The following BMP1 variants were observed in gnomAD, a reference collection of about 807,000 sequenced individuals.
BMP1 encodes the protein mammalian tolloid protein.
A neutral mutation model predicts 116.8 loss-of-function variants in BMP1; 63 were observed. That is an observed-to-expected ratio of 0.54 (90% CI 0.44 to 0.67). The LOEUF (loss-of-function observed/expected upper bound fraction) is 0.67, where lower values mean the gene tolerates loss of function less well. Among genes scored for constraint, BMP1 ranks in the 30% least tolerant of loss-of-function variants. The probability of loss-of-function intolerance (pLI) is 0.00; values close to 1 mark genes in which losing one functional copy is unlikely to be tolerated. For missense variants in BMP1, 1,183 were observed against 1,358.9 expected (o/e 0.87, Z 2.04); for synonymous variants, 536 against 533.4 (o/e 1.00, Z -0.07).
chr8:22,181,257 G>A (rs1358766835), intron 8 of BMP1, among the ~76,000 whole-genome samples: 2 of 152,178 alleles, frequency 1.3e-5, no homozygotes. Context: ...TACCTTGTGG[G>A]GAAGTACCCA....
rs1586479329 is a variant in BMP1, at chr8:22,211,993, A to T, written c.*265A>T. The T allele has an allele frequency of 2.1e-5, 11 of 516,228 alleles. No homozygotes were observed. In the East Asian group the frequency reaches 3.6e-4, roughly 17 times the overall value. The allele number at this position is 516,228 out of a possible 1,614,324, so 32.0% of individuals were successfully genotyped here. ...ATTTCGAAGTCATCATTCCTCTCTT[A>T]GGGGGCCCTGCCTGGTGGCAAGAGG... On this transcript the variant is annotated 3_prime_UTR_variant, in exon 20 of 20. Transcript: ENST00000306385.
In BMP1 at chr8:22,176,977, G is replaced by A; in HGVS notation, c.568G>A (p.Gly190Ser). 6.2e-7 allele frequency: 1 copy of A among 1,611,358 alleles called. No individual in the cohort carries two copies. Among genetic ancestry groups the A allele is most frequent in the Non-Finnish European group, 8.5e-7 (1 of 1,179,018 alleles). ...GCCCTCCAGGTGCTGCTCCTACGTG[G>A]GTCGCCGCGGCGGGGGCCCCCAGGC... ...YRPCGCCSYV[G>S]RRGGGPQAIS... Residue 190 changes from glycine to serine, a missense_variant, in exon 5 of 20, where the codon GGT (glycine) becomes AGT (serine). Physicochemically the swap from Gly to Ser is moderately conservative, Grantham distance 56. Transcript: ENST00000306385.
chr8:22,196,124 C>T lies in BMP1; in HGVS notation c.1765+537C>T, dbSNP rs150262579. ...TGTTTTTTCATTCTTGGGGTGTTTT[C>T]GGGTTTTTTTTGTAAATGACCATCT... On this transcript the variant is annotated intron_variant, in intron 13 of 19. Transcript: ENST00000306385. 1.4e-3 allele frequency: 692 copies of T among 502,244 alleles called. 1 individual carries two copies. Among genetic ancestry groups the T allele is most frequent in the Non-Finnish European group, 2.4e-3 (611 of 250,360 alleles). The allele number at this position is 502,244 out of a possible 1,614,324, so 31.1% of individuals were successfully genotyped here.
At chr8:22,209,202 C>T (rs1418305639) in intron 18 of BMP1, among the ~76,000 whole-genome samples, 3 of 152,208 alleles carry the variant, frequency 2.0e-5, no homozygotes, top group Non-Finnish European at 4.4e-5. Context: ...TGCCACCGCT[C>T]CATGCTGTCT....
chr8:22,182,230 A>G (rs142772561), intron 8 of BMP1, among the ~76,000 whole-genome samples: 225 of 152,338 alleles, frequency 1.5e-3, no homozygotes, highest in African/African-American at 5.1e-3. Context: ...TTCACCATCC[A>G]TCAGGTAGCC....
At position 22,206,974 on chromosome 8, in the gene BMP1, T is replaced by C. The variant is rs771470158; in HGVS notation, c.2354T>C (p.Val785Ala). Residue 785 changes from valine (V) to alanine (A), a missense_variant, in exon 17 of 20, where the codon GTC becomes GCC. By Grantham distance (64) the Val-to-Ala change is moderately conservative (BLOSUM62 0). Around this residue, in one of 4 missense-constraint regions of BMP1, gnomAD observed 956 missense variants for 1,135.2 expected, o/e 0.84. Coordinates refer to ENST00000306385, the MANE Select transcript of BMP1 (RefSeq NM_006129.5). ...ATCTCCAGCACCCCCGGGCACCGGGTCAAGCTGGTAAGGGGTCCCCTCCCC... is the reference window on the plus strand; with the variant it reads ...ATCTCCAGCACCCCCGGGCACCGGGCCAAGCTGGTAAGGGGTCCCCTCCCC... Reference protein sequence around the residue: ...WAISSTPGHRVKLTFMEMDIE... With the variant: ...WAISSTPGHRAKLTFMEMDIE... 1 of 1,613,938 alleles carries C rather than the reference T, an allele frequency of 6.2e-7. No individual in the cohort carries two copies. The highest frequency in any genetic ancestry group is 1.1e-5 in the South Asian group (1 of 91,042).
intron 8 of BMP1, among the ~76,000 whole-genome samples, chr8:22,189,422 A>G (rs1828867111): frequency 1.1e-5 from 1 of 92,200 alleles, no homozygotes; most frequent in Non-Finnish European, 2.2e-5. Context: ...TGAGGTCTCT[A>G]TTGATGGAGA....
At chr8:22,180,229 C>G (rs1398292135) in intron 7 of BMP1, 139 bp from the exon 8 acceptor site, 4 of 724,812 alleles carry the variant, frequency 5.5e-6, no homozygotes, top group African/African-American at 1.7e-5. Flanking sequence ...CTTATAGGGG[C>G]AGGACCATTG....
chr8:22,186,843 G>C (rs1245587568), intron 8 of BMP1, among the ~76,000 whole-genome samples: 1 of 152,118 alleles, frequency 6.6e-6, no homozygotes, highest in Non-Finnish European at 1.5e-5. Flanking sequence ...TGCTAACCGT[G>C]ATTCCCTTCT....
intron 13 of BMP1, 35 bp downstream of exon 13, chr8:22,195,622 T>C (rs1243960214): frequency 6.3e-7 from 1 of 1,583,066 alleles, no homozygotes; most frequent in Non-Finnish European, 8.5e-7. Context: ...ACCCTGTTCT[T>C]TCCCTGGCAC....
intron 6 of BMP1, among the ~76,000 whole-genome samples, chr8:22,178,439 G>A (rs1467351116): frequency 3.9e-5 from 6 of 152,004 alleles, no homozygotes; most frequent in East Asian, 1.9e-4. Context: ...ACAGGCACAC[G>A]CCACCGTGCC....
intron 8 of BMP1, among the ~76,000 whole-genome samples, chr8:22,184,883 G>A (rs1250784845): frequency 6.6e-6 from 1 of 152,208 alleles, no homozygotes; most frequent in Non-Finnish European, 1.5e-5. Flanking sequence ...CTGCTTTAGT[G>A]GATGGACTTT....
intron 2 of BMP1, among the ~76,000 whole-genome samples, chr8:22,175,011 T>A (rs1828392079): frequency 6.6e-6 from 1 of 152,162 alleles, no homozygotes; most frequent in African/African-American, 2.4e-5. Context: ...TGAGGGAAGA[T>A]CCTGATGTGG....
At chr8:22,207,884 ATTT>A (rs1291001776) in intron 18 of BMP1, among the ~76,000 whole-genome samples, 8 of 150,680 alleles carry the variant, frequency 5.3e-5, no homozygotes, top group African/African-American at 2.0e-4. Flanking sequence ...TTTTATTTTT[ATTT>A]ATTTTTTATT....
At chr8:22,201,151 G>T in intron 15 of BMP1, 1 of 1,603,244 alleles carries the variant, frequency 6.2e-7, no homozygotes, top group Non-Finnish European at 8.5e-7. Context: ...CCTCGGGGAC[G>T]CCCCCACCAG....
Position 22,189,961 on chromosome 8 carries a change from C to G in BMP1, c.1078-2088C>G, listed in dbSNP as rs564768621. On this transcript the variant is annotated intron_variant, in intron 8 of 19. Coordinates refer to ENST00000306385, the MANE Select transcript of BMP1 (RefSeq NM_006129.5). ...TTCGAGACAGAGTCTTCCTCTGTCA[C>G]CCAGGCTGGAGTGCAGTGGCATGAT... 2.0e-5 allele frequency among the ~76,000 whole-genome samples: 3 copies of G among 152,236 alleles called. No individual in the cohort carries two copies. In the South Asian group the frequency reaches 6.2e-4, roughly 32 times the overall value.
At position 22,201,789 on chromosome 8, in the gene BMP1, T is replaced by C. The variant is rs949937084; in HGVS notation, c.2108-14T>C. On this transcript the variant is annotated splice_polypyrimidine_tract_variant and intron_variant, in intron 15 of 19. Coordinates refer to ENST00000306385, the MANE Select transcript of BMP1 (RefSeq NM_006129.5). ...GCACAGACCCAGCGTCTGCCCTTAT[T>C]TGCTCCCCTGCAGACAAGGACGAGT... The C allele has an allele frequency of 6.2e-7, 1 of 1,612,634 alleles. No individual in the cohort carries two copies. The highest frequency in any genetic ancestry group is 8.5e-7 in the Non-Finnish European group (1 of 1,179,872).
chr8:22,177,244 G>T (rs979045870), intron 5 of BMP1, 105 bp downstream of exon 5: 3 of 1,226,658 alleles, frequency 2.4e-6, no homozygotes, highest in South Asian at 2.9e-5. Context: ...AGCCGTCATC[G>T]CCTGGGCCCG....
chr8:22,180,616 C>G, intron 8 of BMP1, 133 bp downstream of exon 8: 7 of 760,360 alleles, frequency 9.2e-6, no homozygotes, highest in South Asian at 8.5e-5. Context: ...AAGTCCAGAG[C>G]GCTGATGGAG....
Sources: allele counts gnomAD v4.1 joint callset (sites outside exome capture counted in the v4.1 genomes callset), GRCh38; gene constraint gnomAD v4.1.1; regional missense constraint gnomAD v4.1.1; transcripts MANE v1.5; gene names NCBI Gene and HGNC (gene_info 2026-07-23, HGNC 2026-07-21).